Variants in ABL2 observed in about 807,000 individuals in gnomAD.
ABL2 encodes the protein ABL proto-oncogene 2, non-receptor tyrosine kinase, also known as tyrosine-protein kinase ABL2.
ABL2 carries 49 observed loss-of-function variants against 107.7 expected under a neutral mutation model. The ratio of observed to expected loss-of-function variants is 0.45; its 90% CI spans 0.36 to 0.58. The LOEUF is 0.58. Among genes scored for constraint, ABL2 ranks in the 20% least tolerant of loss-of-function variants. The probability of loss-of-function intolerance (pLI) is 0.00; values close to 1 mark genes in which losing one functional copy is unlikely to be tolerated. For synonymous variants in ABL2, 549 were observed against 548.6 expected (o/e 1.00, Z -0.01); for missense variants, 1,245 against 1,457.0 (o/e 0.85, Z 2.37).
chr1:179,198,972 GC>G (rs1199537340), intron 1 of ABL2, among the ~76,000 whole-genome samples: 1 of 151,392 alleles, frequency 6.6e-6, no homozygotes, highest in Middle Eastern at 3.2e-3. Flanking sequence ...CCCCCTAGTA[GC>G]TGGGATTACA....
intron 1 of ABL2, among the ~76,000 whole-genome samples, chr1:179,138,961 C>A (rs1031409226): frequency 2.6e-5 from 4 of 152,230 alleles, no homozygotes; most frequent in Non-Finnish European, 5.9e-5. Context: ...GCCCTGTCAG[C>A]CCCGGGCAAT....
At chr1:179,177,820 C>T (rs1404235307) in intron 1 of ABL2, among the ~76,000 whole-genome samples, 1 of 151,974 alleles carries the variant, frequency 6.6e-6, no homozygotes, top group East Asian at 1.9e-4. Flanking sequence ...CATCAGTAAC[C>T]AAGGGAAAAA....
At chr1:179,183,529 C>T (rs1660500951) in intron 1 of ABL2, among the ~76,000 whole-genome samples, 1 of 152,066 alleles carries the variant, frequency 6.6e-6, no homozygotes, top group Admixed American at 6.6e-5. Context: ...GTCAATTAAT[C>T]ACAAAGCAAC....
At chr1:179,180,243 T>C (rs1660293267) in intron 1 of ABL2, among the ~76,000 whole-genome samples, 2 of 152,092 alleles carry the variant, frequency 1.3e-5, no homozygotes. Flanking sequence ...ATGTATGAGA[T>C]TGGGAATGCA....
chr1:179,122,936 A>G (rs1288415163), intron 4 of ABL2, among the ~76,000 whole-genome samples: 2 of 152,176 alleles, frequency 1.3e-5, no homozygotes, highest in Non-Finnish European at 2.9e-5. Context: ...CTGGGATTAC[A>G]GGTGTGAACT....
rs745382146 is a variant in ABL2 at position 179,108,997 on chromosome 1, A to G, written c.2270T>C (p.Ile757Thr). The change falls in exon 12 of 12, where the codon ATC becomes ACC. Residue 757 changes from isoleucine (I) to threonine (T), a missense_variant. Coordinates refer to ENST00000502732, the MANE Select transcript of ABL2 (RefSeq NM_007314.4). Reference protein sequence around the residue: ...GITGFFTPRLIKKTLGLRAGK... With the variant: ...GITGFFTPRLTKKTLGLRAGK... ...TGCTCGTAAGCCCAGTGTCTTTTTG[A>G]TTAAGCGTGGTGTAAAGAAGCCTGT... is the stretch of plus-strand genomic sequence containing the variant. 11 of 1,613,856 alleles carry G rather than the reference A, an allele frequency of 6.8e-6. No homozygotes were observed. In the East Asian group the frequency reaches 2.2e-4, roughly 33 times the overall value.
intron 1 of ABL2, among the ~76,000 whole-genome samples, chr1:179,156,078 A>T (rs1658669592): frequency 5.3e-5 from 8 of 152,238 alleles, no homozygotes; most frequent in Admixed American, 5.2e-4. Context: ...TAACATAACA[A>T]GCTTTTCATA....
intron 1 of ABL2, among the ~76,000 whole-genome samples, chr1:179,181,210 A>G (rs1660357491): frequency 1.3e-5 from 2 of 152,110 alleles, no homozygotes; most frequent in Admixed American, 6.5e-5. Context: ...TGTGTTTTCA[A>G]TAAGATCAGC....
chr1:179,188,951 A>G (rs1040388846), intron 1 of ABL2, among the ~76,000 whole-genome samples: 2 of 152,228 alleles, frequency 1.3e-5, no homozygotes. Context: ...TACCCCTTAA[A>G]TCTTGAACTA....
At chr1:179,185,112 T>C (rs1660609457) in intron 1 of ABL2, among the ~76,000 whole-genome samples, 1 of 152,230 alleles carries the variant, frequency 6.6e-6, no homozygotes, top group Admixed American at 6.5e-5. Context: ...TACGTGAATA[T>C]GGACAGTTAG....
chr1:179,178,611 C>T lies in ABL2; in HGVS notation c.158-45237G>A, dbSNP rs186350491. Among the ~76,000 whole-genome samples, 4 of 151,984 alleles carry T rather than the reference C, an allele frequency of 2.6e-5. No individual in the cohort carries two copies. In the East Asian group the frequency reaches 5.8e-4, roughly 22 times the overall value. On this transcript the variant is annotated intron_variant, in intron 1 of 11. Coordinates refer to ENST00000502732, the MANE Select transcript of ABL2 (RefSeq NM_007314.4). Reference sequence around the variant, plus strand: ...GACTTTAAAAAGTAAGAACATCGGGCGGGCATGGTGGCTCATGCCTGTAAT... The same window carrying T: ...GACTTTAAAAAGTAAGAACATCGGGTGGGCATGGTGGCTCATGCCTGTAAT...
At chr1:179,116,007 G>A (rs1654581103) in intron 8 of ABL2, among the ~76,000 whole-genome samples, 1 of 151,676 alleles carries the variant, frequency 6.6e-6, no homozygotes, top group East Asian at 1.9e-4. Flanking sequence ...ACAAATTCTA[G>A]AGGAAACCTC....
At chr1:179,203,712 C>A (rs1003730395) in intron 1 of ABL2, among the ~76,000 whole-genome samples, 5 of 152,152 alleles carry the variant, frequency 3.3e-5, no homozygotes, top group African/African-American at 1.2e-4. Flanking sequence ...TACATTATTT[C>A]ATTTAGTATG....
chr1:179,133,828 CAAT>C (rs1428301605), intron 1 of ABL2, among the ~76,000 whole-genome samples: 1 of 152,108 alleles, frequency 6.6e-6, no homozygotes, highest in Non-Finnish European at 1.5e-5. Context: ...AAGAGATTAA[CAAT>C]AATACAATGA....
chr1:179,134,425 G>A (rs1656642428), intron 1 of ABL2, among the ~76,000 whole-genome samples: 1 of 151,730 alleles, frequency 6.6e-6, no homozygotes, highest in South Asian at 2.1e-4. Context: ...ACTCGGCCAT[G>A]GAGGCTGCGT....
At chr1:179,201,065 A>T (rs1309321227) in intron 1 of ABL2, among the ~76,000 whole-genome samples, 2 of 152,182 alleles carry the variant, frequency 1.3e-5, no homozygotes, top group Non-Finnish European at 2.9e-5. Flanking sequence ...GCTTAGGCAC[A>T]ATGGGCCACT....
chr1:179,218,088 G>C (rs1305531629), intron 1 of ABL2, among the ~76,000 whole-genome samples: 2 of 152,068 alleles, frequency 1.3e-5, no homozygotes, highest in African/African-American at 4.8e-5. Context: ...CTCAATAAAT[G>C]GCAATTATTT....
At chr1:179,157,281 G>A (rs1180010471) in intron 1 of ABL2, among the ~76,000 whole-genome samples, 1 of 152,072 alleles carries the variant, frequency 6.6e-6, no homozygotes, top group Non-Finnish European at 1.5e-5. Flanking sequence ...GATCACATGA[G>A]GTCAGGAGTT....
chr1:179,149,572 T>C (rs1362858891), intron 1 of ABL2, among the ~76,000 whole-genome samples: 1 of 152,256 alleles, frequency 6.6e-6, no homozygotes, highest in Non-Finnish European at 1.5e-5. Context: ...AAGGACAGGT[T>C]GATTCTCTGG....
Sources: gnomAD v4.1 joint callset for allele counts (sites outside exome capture counted in the v4.1 genomes callset) on GRCh38, gnomAD v4.1.1 for gene constraint, MANE v1.5 for transcripts, NCBI Gene and HGNC (gene_info 2026-07-23, HGNC 2026-07-21) for gene names.